FOXO3: variants seen among roughly 807,000 people sequenced by gnomAD.
The protein encoded by FOXO3 is forkhead box protein O3.
Under a neutral mutation model 41.9 loss-of-function variants are expected in FOXO3, and 4 were observed. The ratio of observed to expected loss-of-function variants is 0.10; its 90% CI spans 0.05 to 0.22. The LOEUF is 0.22. FOXO3 is among the 10% of genes least tolerant of loss of function. The pLI, the probability that FOXO3 is intolerant of heterozygous loss-of-function variation, is 1.00. For missense variants in FOXO3, 534 were observed against 906.8 expected, an observed-to-expected ratio of 0.59 and a Z score of 5.28; for synonymous variants, 318 against 389.3, an observed-to-expected ratio of 0.82 and a Z score of 2.16.
In FOXO3 at chr6:108,663,768, G is replaced by C; in HGVS notation, c.935G>C (p.Arg312Pro). ...GATGCGTGGACGGACTTCCGTTCAC[G>C]CACCAATTCTAACGCCAGCACAGTC... is the stretch of plus-strand genomic sequence containing the variant. ...ELDAWTDFRSRTNSNASTVSG... is the reference protein window; with the variant it reads ...ELDAWTDFRSPTNSNASTVSG... Residue 312 changes from arginine to proline, a missense_variant, in exon 2 of 3, where the codon CGC becomes CCC. Arg to Pro is a moderately radical substitution (Grantham distance 103). Transcript: ENST00000406360. 2 of 1,613,904 alleles carry C rather than the reference G, an allele frequency of 1.2e-6. No individual in the cohort carries two copies. Among genetic ancestry groups the C allele is most frequent in the East Asian group, 2.2e-5 (1 of 44,872 alleles).
rs182163319 is a variant in FOXO3, at chr6:108,617,413, A to G, written c.622-46042A>G. The stretch of plus-strand genomic sequence containing the variant: ...CATAGTTTTTTTTTCATATTAAACA[A>G]GAAGTTTATTTAAACAGTAAGACGC... On this transcript the variant is annotated intron_variant, in intron 1 of 2. Transcript: ENST00000406360. Among the ~76,000 whole-genome samples the G allele has an allele frequency of 9.8e-4, 149 of 152,334 alleles. 3 individuals are homozygous for G. The highest frequency in any genetic ancestry group is 3.5e-3 in the African/African-American group (145 of 41,576).
chr6:108,620,446 G>A (rs1777635313), intron 1 of FOXO3, among the ~76,000 whole-genome samples: 1 of 152,146 alleles, frequency 6.6e-6, no homozygotes, highest in South Asian at 2.1e-4. Context: ...CCCAAAAACT[G>A]AAGTGACCTG....
In FOXO3 at chr6:108,679,867, C is replaced by A. The variant is rs1418961974; in HGVS notation, c.*75C>A. On this transcript the variant is annotated 3_prime_UTR_variant, in exon 3 of 3. Coordinates refer to ENST00000406360, the MANE Select transcript of FOXO3 (RefSeq NM_001455.4). ...CAAGACCTACAGAGAAAACCCTTTG[C>A]CAAATCTGCTCTCAGCAAGTGGACA... 6.5e-6 allele frequency: 1 copy of A among 155,002 alleles called. No homozygotes were observed. The highest frequency in any genetic ancestry group is 1.5e-5 in the Non-Finnish European group (1 of 68,212). 9.6% of individuals were successfully genotyped at this position (155,002 alleles called of 1,614,324 possible).
chr6:108,569,038 T>A (rs1488483289), intron 1 of FOXO3, among the ~76,000 whole-genome samples: 6 of 152,224 alleles, frequency 3.9e-5, no homozygotes, highest in Non-Finnish European at 8.8e-5. Context: ...TGCCTAAAGT[T>A]TATTTTACTC....
intron 1 of FOXO3, among the ~76,000 whole-genome samples, chr6:108,633,322 A>AGT (rs770216368): frequency 1.3e-5 from 2 of 151,768 alleles, no homozygotes; most frequent in Non-Finnish European, 2.9e-5. Flanking sequence ...TGGGTATGAA[A>AGT]GTGTGTGTGT....
intron 1 of FOXO3, among the ~76,000 whole-genome samples, chr6:108,576,452 T>G (rs1234768333): frequency 6.6e-6 from 1 of 152,230 alleles, no homozygotes; most frequent in African/African-American, 2.4e-5. Flanking sequence ...TTGAGTTAAT[T>G]TATCAGCAAC....
intron 1 of FOXO3, among the ~76,000 whole-genome samples, chr6:108,577,262 A>G (rs537999426): frequency 6.6e-6 from 1 of 152,176 alleles, no homozygotes; most frequent in East Asian, 1.9e-4. Flanking sequence ...GACTGTTACC[A>G]AGTCTTTGGC....
rs911722972 is a variant in FOXO3 at position 108,679,818 on chromosome 6, C to G, written c.*35-9C>G. The G allele has an allele frequency of 6.5e-6, 1 of 154,844 alleles. No individual in the cohort carries two copies. Among genetic ancestry groups the G allele is most frequent in the Admixed American group, 6.5e-5 (1 of 15,304 alleles). The allele number at this position is 154,844 out of a possible 1,614,324, so 9.6% of individuals were successfully genotyped here. ...TAATGATCTCTGGTTTTCTTTTCTC[C>G]TCCTTTAGACCCTCAAACTGACACA... On this transcript the variant is annotated splice_polypyrimidine_tract_variant and intron_variant, in intron 2 of 2. Transcript: ENST00000406360.
chr6:108,663,124 G>A (rs969975547), intron 1 of FOXO3, among the ~76,000 whole-genome samples: 1 of 152,180 alleles, frequency 6.6e-6, no homozygotes, highest in African/African-American at 2.4e-5. Context: ...TATAATCCTA[G>A]CACTTTGGGA....
intron 2 of FOXO3, 39 bp downstream of exon 2, chr6:108,664,928 G>C: frequency 6.5e-7 from 1 of 1,538,314 alleles, no homozygotes; most frequent in Non-Finnish European, 8.8e-7. Flanking sequence ...TAACAATATG[G>C]GGATGAGGGG....
intron 1 of FOXO3, among the ~76,000 whole-genome samples, chr6:108,628,608 C>T (rs1203947695): frequency 6.6e-6 from 1 of 152,124 alleles, no homozygotes; most frequent in African/African-American, 2.4e-5. Flanking sequence ...TTGGTGGATG[C>T]CTCTTTTCCA....
At chr6:108,602,231 C>A (rs1453481986) in intron 1 of FOXO3, among the ~76,000 whole-genome samples, 3 of 152,016 alleles carry the variant, frequency 2.0e-5, no homozygotes, top group Non-Finnish European at 4.4e-5. Context: ...AATTTTAAAG[C>A]TTTGCTTTTT....
intron 1 of FOXO3, among the ~76,000 whole-genome samples, chr6:108,650,152 A>G (rs939587197): frequency 6.6e-6 from 1 of 152,148 alleles, no homozygotes; most frequent in African/African-American, 2.4e-5. Flanking sequence ...GACTTAACCA[A>G]GGAGGTAGTT....
At chr6:108,636,039 C>T (rs1778112727) in intron 1 of FOXO3, among the ~76,000 whole-genome samples, 1 of 152,222 alleles carries the variant, frequency 6.6e-6, no homozygotes, top group South Asian at 2.1e-4. Flanking sequence ...AAGCTTGTCA[C>T]TCCTCAGCTA....
At chr6:108,645,411 C>A (rs1409873961) in intron 1 of FOXO3, among the ~76,000 whole-genome samples, 2 of 151,634 alleles carry the variant, frequency 1.3e-5, no homozygotes, top group African/African-American at 4.8e-5. Context: ...TCTCTTCGAG[C>A]CTTCTTTCCC....
In FOXO3 at chr6:108,561,332, G is replaced by A. The variant is rs1171605677; in HGVS notation, c.124G>A (p.Ala42Thr). ...TWPLQRPELQ[A>T]SPAKPSGETA... ...GCCCCTGCAAAGGCCGGAGCTCCAA[G>A]CGAGCCCTGCCAAGCCCTCGGGGGA... Residue 42 changes from alanine to threonine, a missense_variant, in exon 1 of 3, where the codon GCG (alanine) becomes ACG (threonine). By Grantham distance (58) the Ala-to-Thr change is moderately conservative. Around this residue, in one of 8 missense-constraint regions of FOXO3, gnomAD observed 139 missense variants for 163.7 expected, o/e 0.85. Transcript: ENST00000406360. 1 of 1,566,594 alleles carries A rather than the reference G, an allele frequency of 6.4e-7. No homozygotes were observed. The highest frequency in any genetic ancestry group is 8.6e-7 in the Non-Finnish European group (1 of 1,158,730).
intron 1 of FOXO3, among the ~76,000 whole-genome samples, chr6:108,586,399 G>A (rs547574556): frequency 2.0e-5 from 3 of 152,232 alleles, no homozygotes; most frequent in African/African-American, 7.2e-5. Context: ...ACATTCTCCT[G>A]CTTGAAACTT....
rs1169650352 is a variant in FOXO3, at chr6:108,664,027, A to C, written c.1194A>C (p.Pro398=). The change falls in exon 2 of 3, where the codon CCA becomes CCC. Residue 398 remains proline (P), a synonymous_variant. Coordinates refer to ENST00000406360, the MANE Select transcript of FOXO3 (RefSeq NM_001455.4). ...DDLLDNITLP[P]SQPSPTGGLM... Reference sequence around the variant, plus strand: ...TGCTGGATAACATCACGCTCCCGCCATCCCAGCCATCGCCCACTGGGGGAC... The same window carrying C: ...TGCTGGATAACATCACGCTCCCGCCCTCCCAGCCATCGCCCACTGGGGGAC... The C allele has an allele frequency of 1.2e-6, 2 of 1,614,130 alleles. No individual in the cohort carries two copies. Among genetic ancestry groups the C allele is most frequent in the South Asian group, 2.2e-5 (2 of 91,080 alleles).
rs139288406 is a variant in FOXO3 at position 108,645,209 on chromosome 6, C to A, written c.622-18246C>A. On this transcript the variant is annotated intron_variant, in intron 1 of 2. Transcript: ENST00000406360. The stretch of plus-strand genomic sequence containing the variant: ...AAAGTTAGAAAAGCATAAACTTAAC[C>A]AAGTTACAATATCCTGGTATGTTGT... Among the ~76,000 whole-genome samples the A allele has an allele frequency of 4.5e-3, 680 of 152,236 alleles. 2 individuals are homozygous for A. Among genetic ancestry groups the A allele is most frequent in the Middle Eastern group, 0.014 (4 of 294 alleles).
Sources: allele counts gnomAD v4.1 joint callset (sites outside exome capture counted in the v4.1 genomes callset), GRCh38; gene constraint gnomAD v4.1.1; regional missense constraint gnomAD v4.1.1; transcripts MANE v1.5; gene names NCBI Gene and HGNC (gene_info 2026-07-23, HGNC 2026-07-21).